Variants in PDE11A observed in about 807,000 individuals in gnomAD.
The protein encoded by PDE11A is phosphodiesterase 11A.
Under a neutral mutation model 100.5 loss-of-function variants are expected in PDE11A, and 100 were observed. The observed-to-expected ratio is 1.00, with a 90% CI of 0.85 to 1.18. PDE11A has a LOEUF of 1.18. Among genes scored for constraint, PDE11A ranks in the 50% most tolerant of loss-of-function variants. The pLI is 0.00. For synonymous variants in PDE11A, 381 were observed against 420.8 expected, an observed-to-expected ratio of 0.91 and a Z score of 1.16; for missense variants, 1,141 against 1,152.6, an observed-to-expected ratio of 0.99 and a Z score of 0.15.
intron 10 of PDE11A, among the ~76,000 whole-genome samples, chr2:177,750,060 C>T (rs1230110401): frequency 2.6e-5 from 4 of 152,160 alleles, no homozygotes; most frequent in African/African-American, 7.2e-5. Context: ...ACTGACTACC[C>T]GTTTTTATTT....
intron 2 of PDE11A, among the ~76,000 whole-genome samples, chr2:177,927,626 C>A (rs1053013510): frequency 3.3e-5 from 5 of 152,170 alleles, no homozygotes; most frequent in African/African-American, 1.2e-4. Flanking sequence ...TATATCAAAT[C>A]ATTGGTAAAA....
chr2:177,653,949 T>C lies in PDE11A; in HGVS notation c.2646+9917A>G, dbSNP rs115857737. On this transcript the variant is annotated intron_variant, in intron 19 of 19. Coordinates refer to ENST00000286063, the MANE Select transcript of PDE11A (RefSeq NM_016953.4). ...CTGGCTCCCTGTTGCTCTCCCCTTG[T>C]GCAGACATTCTGGGAGATTACTTCC... Among the ~76,000 whole-genome samples, 1,318 of 152,362 alleles carry C rather than the reference T, an allele frequency of 8.7e-3. 11 individuals carry two copies. The highest frequency in any genetic ancestry group is 0.033 in the South Asian group (158 of 4,824).
intron 19 of PDE11A, among the ~76,000 whole-genome samples, chr2:177,643,316 A>G (rs764791766): frequency 5.3e-5 from 8 of 152,212 alleles, no homozygotes; most frequent in Non-Finnish European, 8.8e-5. Context: ...TGATATGGAC[A>G]ATGAAATCCA....
At chr2:177,740,556 G>A (rs1050566624) in intron 10 of PDE11A, among the ~76,000 whole-genome samples, 3 of 152,140 alleles carry the variant, frequency 2.0e-5, no homozygotes, top group African/African-American at 4.8e-5. Context: ...GAAGATAAGC[G>A]ACTTTCTCAA....
At chr2:177,797,134 C>G (rs918512071) in intron 9 of PDE11A, 1 of 152,138 alleles carries the variant, frequency 6.6e-6, no homozygotes, top group Non-Finnish European at 1.5e-5. Context: ...CAGAAGCATG[C>G]CCCCGGTGTA....
chr2:178,040,125 C>T (rs562911664), intron 1 of PDE11A, among the ~76,000 whole-genome samples: 35 of 144,456 alleles, frequency 2.4e-4, no homozygotes, highest in African/African-American at 7.6e-4. Flanking sequence ...AGTGCAACAG[C>T]GCAATCTCAG....
chr2:177,991,061 C>T (rs976112262), intron 2 of PDE11A, among the ~76,000 whole-genome samples: 3 of 150,554 alleles, frequency 2.0e-5, no homozygotes, highest in Non-Finnish European at 3.0e-5. Context: ...CAGTGGCTCA[C>T]GCCTGTAATC....
intron 5 of PDE11A, among the ~76,000 whole-genome samples, chr2:177,872,052 T>C (rs1005894960): frequency 6.6e-6 from 1 of 152,204 alleles, no homozygotes; most frequent in Non-Finnish European, 1.5e-5. Flanking sequence ...GTTTGTATTA[T>C]ATTTTTAACC....
intron 2 of PDE11A, among the ~76,000 whole-genome samples, chr2:178,002,580 T>G (rs974300313): frequency 6.6e-6 from 1 of 152,086 alleles, no homozygotes; most frequent in Non-Finnish European, 1.5e-5. Context: ...ATAAGGTACC[T>G]AGGAGGTATT....
chr2:177,816,846 G>T lies in PDE11A; in HGVS notation c.1720C>A (p.Gln574Lys), dbSNP rs1215393156. The T allele has an allele frequency of 2.5e-6, 4 of 1,593,646 alleles. No individual in the cohort carries two copies. The highest frequency in any genetic ancestry group is 2.2e-5 in the East Asian group (1 of 44,744). ...GTACTTACATCAAGAGCCACAGACT[G>T]CTTGGCCCAGGACTTCTTCACTTGA... ...YDQVKKSWAK[Q>K]SVALDVLSYH... The change falls in exon 9 of 20, where the codon CAG becomes AAG. Residue 574 changes from glutamine to lysine, a missense_variant. Gln to Lys is a moderately conservative substitution (Grantham distance 53, BLOSUM62 1). Coordinates refer to ENST00000286063, the MANE Select transcript of PDE11A (RefSeq NM_016953.4).
chr2:177,850,627 A>T (rs2083684528), intron 5 of PDE11A, among the ~76,000 whole-genome samples: 1 of 152,244 alleles, frequency 6.6e-6, no homozygotes, highest in South Asian at 2.1e-4. Flanking sequence ...AATTTTTACA[A>T]TCTACTCATC....
At chr2:177,838,739 A>G (rs908742855) in intron 6 of PDE11A, among the ~76,000 whole-genome samples, 2 of 152,198 alleles carry the variant, frequency 1.3e-5, no homozygotes, top group Non-Finnish European at 2.9e-5. Flanking sequence ...ACTCAACCAC[A>G]ATGGAAAAGT....
chr2:177,891,263 C>G (rs956638333), intron 4 of PDE11A, among the ~76,000 whole-genome samples: 5 of 152,162 alleles, frequency 3.3e-5, no homozygotes, highest in African/African-American at 1.2e-4. Context: ...GCACTCCACC[C>G]TGGGCCTCCA....
Position 178,072,557 on chromosome 2 carries a change from C to T in PDE11A, c.-120G>A, listed in dbSNP as rs1041337359. On this transcript the variant is annotated 5_prime_UTR_variant, in exon 1 of 20. Coordinates refer to ENST00000286063, the MANE Select transcript of PDE11A (RefSeq NM_016953.4). ...AGTATTCCCAGTTCAGCGCCACCTC[C>T]CCTGGAGATTATTCCCAGCAGTGGA... 1.3e-5 allele frequency: 20 copies of T among 1,541,158 alleles called. No individual in the cohort carries two copies. In the African/African-American group the frequency reaches 1.9e-4, roughly 15 times the overall value.
chr2:178,054,500 G>A (rs2086872599), intron 1 of PDE11A, among the ~76,000 whole-genome samples: 1 of 152,122 alleles, frequency 6.6e-6, no homozygotes, highest in Non-Finnish European at 1.5e-5. Context: ...TGACAGATAG[G>A]ATCTAATTAA....
intron 19 of PDE11A, among the ~76,000 whole-genome samples, chr2:177,656,620 C>G (rs945684590): frequency 1.3e-5 from 2 of 152,226 alleles, no homozygotes; most frequent in South Asian, 4.1e-4. Flanking sequence ...CTGAGCAGCT[C>G]TAATGTGCTA....
chr2:177,832,191 A>G (rs1320249159), intron 6 of PDE11A, among the ~76,000 whole-genome samples: 1 of 152,242 alleles, frequency 6.6e-6, no homozygotes, highest in East Asian at 1.9e-4. Context: ...CTGAGTGTTA[A>G]CTTGATTGGA....
chr2:177,711,034 C>T (rs1465638300), intron 13 of PDE11A, among the ~76,000 whole-genome samples: 1 of 152,232 alleles, frequency 6.6e-6, no homozygotes, highest in East Asian at 1.9e-4. Context: ...TAACGGCAGA[C>T]TCTCAATATA....
At chr2:177,800,609 T>A (rs924901129) in intron 9 of PDE11A, among the ~76,000 whole-genome samples, 1 of 152,218 alleles carries the variant, frequency 6.6e-6, no homozygotes, top group Non-Finnish European at 1.5e-5. Flanking sequence ...CTATACTTGA[T>A]CCACTCAACA....
Sources: allele counts gnomAD v4.1 joint callset (sites outside exome capture counted in the v4.1 genomes callset), GRCh38; gene constraint gnomAD v4.1.1; transcripts MANE v1.5; gene names NCBI Gene and HGNC (gene_info 2026-07-23, HGNC 2026-07-21).